Variants in SIPA1L3 observed in about 807,000 individuals in gnomAD.
SIPA1L3 encodes the protein signal-induced proliferation-associated 1-like protein 3.
Under a neutral mutation model 150.1 loss-of-function variants are expected in SIPA1L3, and 59 were observed. The observed-to-expected ratio is 0.39, with a 90% CI of 0.32 to 0.49. SIPA1L3 has a LOEUF of 0.49. Ranked by LOEUF, SIPA1L3 falls within the 20% of genes least tolerant of loss-of-function variation. The pLI, the probability that SIPA1L3 is intolerant of heterozygous loss-of-function variation, is 0.86. For synonymous variants in SIPA1L3, 1,070 were observed against 1,077.6 expected, an observed-to-expected ratio of 0.99 and a Z score of 0.14; for missense variants, 2,211 against 2,489.5, an observed-to-expected ratio of 0.89 and a Z score of 2.38.
At chr19:38,163,489 C>CAAAAAAA (rs34366358) in intron 14 of SIPA1L3, among the ~76,000 whole-genome samples, 1 of 51,314 alleles carries the variant, frequency 1.9e-5, no homozygotes. Flanking sequence ...GACTCTATCT[C>CAAAAAAA]AAAAAAAAAA....
At chr19:37,994,960 C>T (rs1281225335) in intron 1 of SIPA1L3, among the ~76,000 whole-genome samples, 1 of 152,180 alleles carries the variant, frequency 6.6e-6, no homozygotes, top group Non-Finnish European at 1.5e-5. Context: ...CCTCTGTGTG[C>T]AGGCGTTTCG....
intron 12 of SIPA1L3, among the ~76,000 whole-genome samples, chr19:38,150,585 C>T (rs369057904): frequency 9.7e-5 from 14 of 144,874 alleles, no homozygotes; most frequent in Non-Finnish European, 1.0e-4. Context: ...CAGGCTGGAG[C>T]GCAGTGGCAC....
At chr19:38,189,909 C>T (rs1216445878) in intron 16 of SIPA1L3, among the ~76,000 whole-genome samples, 2 of 152,212 alleles carry the variant, frequency 1.3e-5, no homozygotes, top group East Asian at 1.9e-4. Flanking sequence ...TTTCACATGA[C>T]GTCGTATCTG....
chr19:38,205,987 G>A, intron 21 of SIPA1L3, 110 bp from the exon 22 acceptor site: 1 of 1,295,838 alleles, frequency 7.7e-7, no homozygotes, highest in Non-Finnish European at 1.0e-6. Flanking sequence ...GGCTCTAGTG[G>A]TTGGCTCCAA....
chr19:37,973,106 A>G (rs1417635284), intron 1 of SIPA1L3, among the ~76,000 whole-genome samples: 1 of 152,110 alleles, frequency 6.6e-6, no homozygotes, highest in African/African-American at 2.4e-5. Context: ...CAAGAAGTCA[A>G]TACTGTACTG....
chr19:38,023,676 A>C (rs1968429678), intron 1 of SIPA1L3, among the ~76,000 whole-genome samples: 1 of 152,204 alleles, frequency 6.6e-6, no homozygotes, highest in African/African-American at 2.4e-5. Flanking sequence ...TAGAAAGGAG[A>C]GCGAAGCTTA....
chr19:37,939,852 A>G (rs2046637036), intron 1 of SIPA1L3, among the ~76,000 whole-genome samples: 1 of 152,210 alleles, frequency 6.6e-6, no homozygotes, highest in African/African-American at 2.4e-5. Flanking sequence ...TAATGTCACT[A>G]GTTCTGAGGT....
chr19:38,002,518 A>G (rs1346930901), intron 1 of SIPA1L3, among the ~76,000 whole-genome samples: 2 of 150,890 alleles, frequency 1.3e-5, no homozygotes, highest in Non-Finnish European at 1.5e-5. Context: ...GCGGATCACA[A>G]GGTCAACAGA....
At chr19:38,000,912 CATATATATAACAT>C (rs1967779425) in intron 1 of SIPA1L3, among the ~76,000 whole-genome samples, 1 of 138,060 alleles carries the variant, frequency 7.2e-6, no homozygotes, top group Non-Finnish European at 1.5e-5. Context: ...ATATATATAA[CATATATATAACAT>C]ATATATAACA....
chr19:38,005,708 G>A (rs1967923821), intron 1 of SIPA1L3, among the ~76,000 whole-genome samples: 1 of 152,176 alleles, frequency 6.6e-6, no homozygotes, highest in African/African-American at 2.4e-5. Context: ...ACTAAACTTT[G>A]CTAAGGGAAT....
At chr19:38,100,968 T>A in intron 5 of SIPA1L3, 84 bp from the exon 6 acceptor site, 2 of 1,411,698 alleles carry the variant, frequency 1.4e-6, no homozygotes, top group Non-Finnish European at 1.9e-6. Context: ...TCCCAGGGCC[T>A]CAGGCCTCAG....
intron 1 of SIPA1L3, among the ~76,000 whole-genome samples, chr19:37,971,981 T>TG (rs1966952226): frequency 6.6e-6 from 1 of 152,198 alleles, no homozygotes; most frequent in African/African-American, 2.4e-5. Context: ...TATCCAGGCA[T>TG]CACCTGATGG....
chr19:37,997,766 T>C (rs2145648895), intron 1 of SIPA1L3, among the ~76,000 whole-genome samples: 1 of 149,810 alleles, frequency 6.7e-6, no homozygotes, highest in South Asian at 2.1e-4. Context: ...CTCCGGAGGC[T>C]GAGGCGGGAG....
intron 10 of SIPA1L3, among the ~76,000 whole-genome samples, chr19:38,133,513 C>T (rs1568568391): frequency 6.6e-6 from 1 of 152,282 alleles, no homozygotes; most frequent in South Asian, 2.1e-4. Flanking sequence ...GAGAGAGACG[C>T]ACCATGTTCT....
At chr19:38,187,835 G>A (rs1024008553) in intron 16 of SIPA1L3, among the ~76,000 whole-genome samples, 5 of 150,734 alleles carry the variant, frequency 3.3e-5, no homozygotes, top group African/African-American at 9.8e-5. Context: ...CCGTCTCTAC[G>A]AAAATACAAA....
chr19:38,094,775 A>AG lies in SIPA1L3; in HGVS notation c.1666-5187_1666-5186insG, dbSNP rs1263930920. ...TAGCGAGACCCCATCTCTATTAAAA[A>AG]TAAATTAATTGCCAGGCGTGGTAGC... On this transcript the variant is annotated intron_variant, in intron 4 of 21. Coordinates refer to ENST00000222345, the MANE Select transcript of SIPA1L3 (RefSeq NM_015073.3). Among the ~76,000 whole-genome samples, 3 of 152,100 alleles carry AG rather than the reference A, an allele frequency of 2.0e-5. No individual in the cohort carries two copies. The East Asian group carries it at 5.8e-4, about 29-fold the overall frequency.
At chr19:37,968,063 CTCTTTCTTTCTT>C (rs74174499) in intron 1 of SIPA1L3, among the ~76,000 whole-genome samples, 1 of 143,460 alleles carries the variant, frequency 7.0e-6, no homozygotes, top group African/African-American at 2.7e-5. Context: ...ATGGCCTCAT[CTCTTTCTTTCTT>C]TCTTTCTTTC....
At chr19:38,095,966 A>G (rs1264968729) in intron 4 of SIPA1L3, among the ~76,000 whole-genome samples, 1 of 152,184 alleles carries the variant, frequency 6.6e-6, no homozygotes, top group Non-Finnish European at 1.5e-5. Context: ...CCACAACCCC[A>G]GGGCCACCCA....
At chr19:38,191,266 G>A (rs1972798124) in intron 16 of SIPA1L3, among the ~76,000 whole-genome samples, 1 of 151,956 alleles carries the variant, frequency 6.6e-6, no homozygotes, top group African/African-American at 2.4e-5. Flanking sequence ...TGGGTGTAGT[G>A]GCATGCGCCT....
Sources: gnomAD v4.1 joint callset for allele counts (sites outside exome capture counted in the v4.1 genomes callset) on GRCh38, gnomAD v4.1.1 for gene constraint, MANE v1.5 for transcripts, NCBI Gene and HGNC (gene_info 2026-07-23, HGNC 2026-07-21) for gene names.